WDR70: variants seen among roughly 807,000 people sequenced by gnomAD.
WDR70 encodes the protein WD repeat domain 70, also known as WD repeat-containing protein 70.
Under a neutral mutation model 88.6 loss-of-function variants are expected in WDR70, and 53 were observed. That is an observed-to-expected ratio of 0.60 (90% CI 0.48 to 0.75). The LOEUF is 0.75. Ranked by LOEUF, WDR70 falls within the 30% of genes least tolerant of loss-of-function variation. The probability of loss-of-function intolerance (pLI) is 0.00; values close to 1 mark genes in which losing one functional copy is unlikely to be tolerated. For missense variants in WDR70, 610 were observed against 823.2 expected (o/e 0.74, Z 3.17); for synonymous variants, 280 against 270.0 (o/e 1.04, Z -0.36).
intron 9 of WDR70, among the ~76,000 whole-genome samples, chr5:37,560,897 G>A (rs12653047): frequency 0.41 from 60,013 of 147,466 alleles, 13,923 homozygotes; most frequent in Non-Finnish European, 0.52. Context: ...CTGCAGCCTT[G>A]AACTCCTGGG....
At chr5:37,752,400 C>T in intron 17 of WDR70, 86 bp from the exon 18 acceptor site, 2 of 920,550 alleles carry the variant, frequency 2.2e-6, no homozygotes, top group East Asian at 2.6e-5. Flanking sequence ...CCCACATTTG[C>T]TCCCACTTGA....
chr5:37,739,001 G>A (rs373935513), intron 17 of WDR70, among the ~76,000 whole-genome samples: 6 of 152,204 alleles, frequency 3.9e-5, no homozygotes, highest in Non-Finnish European at 7.3e-5. Flanking sequence ...CAATGACCAC[G>A]TTGATGTCTA....
chr5:37,385,604 A>G (rs989357958), intron 3 of WDR70, among the ~76,000 whole-genome samples: 1 of 149,786 alleles, frequency 6.7e-6, no homozygotes, highest in Non-Finnish European at 1.5e-5. Flanking sequence ...GAAAGTTCCA[A>G]TTATCTAACC....
chr5:37,543,030 A>G (rs1741877468), intron 9 of WDR70, among the ~76,000 whole-genome samples: 1 of 152,202 alleles, frequency 6.6e-6, no homozygotes, highest in African/African-American at 2.4e-5. Flanking sequence ...TCCCTTGGGA[A>G]CTATGACATT....
chr5:37,704,503 A>G (rs909845234), intron 13 of WDR70, among the ~76,000 whole-genome samples: 5 of 152,212 alleles, frequency 3.3e-5, no homozygotes, highest in African/African-American at 1.2e-4. Flanking sequence ...TCAGTGTCTC[A>G]TAATGTGATA....
intron 9 of WDR70, among the ~76,000 whole-genome samples, chr5:37,602,063 C>G (rs1249380097): frequency 8.4e-5 from 10 of 119,580 alleles, no homozygotes; most frequent in Non-Finnish European, 1.7e-4. Flanking sequence ...ACACTGGGGC[C>G]TGTCGGGGGG....
At chr5:37,457,083 C>T (rs192161342) in intron 7 of WDR70, among the ~76,000 whole-genome samples, 7 of 152,050 alleles carry the variant, frequency 4.6e-5, no homozygotes, top group South Asian at 2.1e-4. Flanking sequence ...CTTTTTTTTC[C>T]GCATAACACT....
chr5:37,597,594 A>G (rs1743741389), intron 9 of WDR70, among the ~76,000 whole-genome samples: 1 of 152,186 alleles, frequency 6.6e-6, no homozygotes, highest in Admixed American at 6.5e-5. Flanking sequence ...ATACAAGTTA[A>G]CACAAGCGTG....
chr5:37,693,648 G>C (rs920626124), intron 10 of WDR70, among the ~76,000 whole-genome samples: 11 of 152,276 alleles, frequency 7.2e-5, no homozygotes, highest in Middle Eastern at 6.8e-3. Flanking sequence ...AAACTGGCTA[G>C]CCATCTGTAG....
chr5:37,575,021 C>T (rs1422662278), intron 9 of WDR70, among the ~76,000 whole-genome samples: 3 of 152,128 alleles, frequency 2.0e-5, no homozygotes, highest in African/African-American at 7.2e-5. Flanking sequence ...TTTGCCTTCC[C>T]AGAATCCCCT....
intron 9 of WDR70, among the ~76,000 whole-genome samples, chr5:37,600,121 C>T (rs1163450599): frequency 1.3e-5 from 2 of 152,056 alleles, no homozygotes; most frequent in East Asian, 3.8e-4. Flanking sequence ...AAAGTTTATG[C>T]ACTTCAAAAG....
In WDR70 at chr5:37,486,860, A is replaced by G. The variant is rs530446919; in HGVS notation, c.840+6873A>G. On this transcript the variant is annotated intron_variant, in intron 8 of 17. Transcript: ENST00000265107. The stretch of plus-strand genomic sequence containing the variant: ...TGTTTAAGTTCCTTATCAGTGTTGG[A>G]CATTAGATCTTTGTCACATGCATTG... Among the ~76,000 whole-genome samples the G allele has an allele frequency of 4.6e-5, 7 of 151,070 alleles. No homozygotes were observed. The South Asian group carries it at 8.6e-4, about 19-fold the overall frequency.
chr5:37,493,156 T>C (rs1227079456), intron 8 of WDR70, among the ~76,000 whole-genome samples: 1 of 152,214 alleles, frequency 6.6e-6, no homozygotes, highest in Non-Finnish European at 1.5e-5. Flanking sequence ...TCTATTGCTC[T>C]GTAACAAATT....
At chr5:37,436,596 C>T (rs756925973) in intron 5 of WDR70, among the ~76,000 whole-genome samples, 3 of 151,972 alleles carry the variant, frequency 2.0e-5, no homozygotes, top group Non-Finnish European at 4.4e-5. Context: ...CTGAGAGCCT[C>T]TTATGTGCCA....
chr5:37,403,320 A>C (rs1327135172), intron 5 of WDR70, among the ~76,000 whole-genome samples: 2 of 152,172 alleles, frequency 1.3e-5, no homozygotes, highest in African/African-American at 4.8e-5. Flanking sequence ...CAACACATCT[A>C]AGATAAAACT....
At chr5:37,471,380 A>C (rs1330226883) in intron 7 of WDR70, among the ~76,000 whole-genome samples, 1 of 151,708 alleles carries the variant, frequency 6.6e-6, no homozygotes, top group Non-Finnish European at 1.5e-5. Context: ...GAGATTAGAC[A>C]ACTTCTCATA....
At chr5:37,534,209 C>T (rs1741587984) in intron 9 of WDR70, among the ~76,000 whole-genome samples, 2 of 152,196 alleles carry the variant, frequency 1.3e-5, no homozygotes, top group African/African-American at 4.8e-5. Flanking sequence ...ACTGCTCTGC[C>T]TGTCTGAGCG....
At chr5:37,651,781 C>T (rs1334303049) in intron 10 of WDR70, among the ~76,000 whole-genome samples, 1 of 152,122 alleles carries the variant, frequency 6.6e-6, no homozygotes, top group Non-Finnish European at 1.5e-5. Flanking sequence ...TGTTCATATC[C>T]TTTGCCCACT....
At chr5:37,648,392 T>C (rs1745300277) in intron 10 of WDR70, among the ~76,000 whole-genome samples, 1 of 152,122 alleles carries the variant, frequency 6.6e-6, no homozygotes, top group South Asian at 2.1e-4. Context: ...AATATCCTAC[T>C]GTTTTCATCT....
Sources: gnomAD v4.1 joint callset for allele counts (sites outside exome capture counted in the v4.1 genomes callset) on GRCh38, gnomAD v4.1.1 for gene constraint, MANE v1.5 for transcripts, NCBI Gene and HGNC (gene_info 2026-07-23, HGNC 2026-07-21) for gene names.